PCGF3: variants seen among roughly 807,000 people sequenced by gnomAD.
PCGF3 encodes the protein polycomb group RING finger protein 3.
A neutral mutation model predicts 33.1 loss-of-function variants in PCGF3; 7 were observed. The ratio of observed to expected loss-of-function variants is 0.21; its 90% CI spans 0.12 to 0.40. PCGF3 has a LOEUF of 0.40. Ranked by LOEUF, PCGF3 falls within the 10% of genes least tolerant of loss-of-function variation. The probability of loss-of-function intolerance (pLI) is 1.00; values close to 1 mark genes in which losing one functional copy is unlikely to be tolerated. For synonymous variants in PCGF3, 153 were observed against 121.3 expected, an observed-to-expected ratio of 1.26 and a Z score of -1.72; for missense variants, 211 against 313.3, an observed-to-expected ratio of 0.67 and a Z score of 2.46.
intron 3 of PCGF3, among the ~76,000 whole-genome samples, chr4:733,157 C>T (rs1385335187): frequency 6.6e-6 from 1 of 150,720 alleles, no homozygotes; most frequent in African/African-American, 2.5e-5. Context: ...GTGGAAGCCG[C>T]GCCGGCCCCA....
At chr4:734,098 A>G (rs760086435) in intron 4 of PCGF3, 46 of 1,550,502 alleles carry the variant, frequency 3.0e-5, no homozygotes, top group African/African-American at 8.2e-5. Flanking sequence ...GCAGTTTCCA[A>G]ATCTCCAGAG....
chr4:738,854 G>T (rs533695617), intron 6 of PCGF3, among the ~76,000 whole-genome samples: 7 of 149,820 alleles, frequency 4.7e-5, no homozygotes, highest in African/African-American at 1.5e-4. Flanking sequence ...GCAAGACTCC[G>T]TCTCAAAAAA....
intron 1 of PCGF3, among the ~76,000 whole-genome samples, chr4:714,179 C>T (rs1419341694): frequency 2.6e-5 from 4 of 152,170 alleles, no homozygotes; most frequent in Non-Finnish European, 4.4e-5. Flanking sequence ...CCCAAATCTG[C>T]GAGCGCCTTG....
intron 1 of PCGF3, among the ~76,000 whole-genome samples, chr4:711,977 A>G (rs1375700080): frequency 2.0e-5 from 3 of 152,102 alleles, no homozygotes; most frequent in African/African-American, 7.2e-5. Context: ...GTAAAAAAAA[A>G]AAGAAAAGAA....
chr4:765,155 T>G (rs1269939537), intron 10 of PCGF3, 91 bp downstream of exon 10: 1 of 876,270 alleles, frequency 1.1e-6, no homozygotes, highest in East Asian at 2.6e-5. Flanking sequence ...TGACTCCAGC[T>G]GGGTGCAGTG....
chr4:749,478 T>TC (rs1483028139), intron 8 of PCGF3, among the ~76,000 whole-genome samples: 1 of 63,670 alleles, frequency 1.6e-5, no homozygotes, highest in African/African-American at 3.8e-5. Flanking sequence ...TTTCTTTCCT[T>TC]TTTTTTTTTT....
chr4:707,012 C>T (rs1030374086), intron 1 of PCGF3, among the ~76,000 whole-genome samples: 1 of 152,034 alleles, frequency 6.6e-6, no homozygotes, highest in African/African-American at 2.4e-5. Context: ...CGACCCCAGC[C>T]CAGGCAGGAC....
chr4:761,318 G>A (rs547312640), exon 9 of PCGF3: 15 of 1,606,876 alleles, frequency 9.3e-6, no homozygotes, highest in Admixed American at 8.4e-5. Flanking sequence ...CAAACTGCGC[G>A]GGCTGAAGCG....
At position 734,488 on chromosome 4, in the gene PCGF3, T is replaced by C. The variant is rs538449326; in HGVS notation, c.110-443T>C. 12 of 1,237,888 alleles carry C rather than the reference T, an allele frequency of 9.7e-6. No individual in the cohort carries two copies. The African/African-American group carries it at 1.7e-4, about 17-fold the overall frequency. 76.7% of individuals were successfully genotyped at this position (1,237,888 alleles called of 1,614,324 possible). A position where few individuals can be genotyped will look rare whatever the true frequency, so the allele number is the denominator to read the frequency against. On this transcript the variant is annotated intron_variant, in intron 4 of 10. Transcript: ENST00000362003. ...TTGCCAATTTGATAGAATTTTGACTTTAACGTTAATCGTATTTTTAGATAT... is the reference window on the plus strand; with the variant it reads ...TTGCCAATTTGATAGAATTTTGACTCTAACGTTAATCGTATTTTTAGATAT...
At chr4:762,607 C>G (rs542104375) in intron 9 of PCGF3, 1 of 152,268 alleles carries the variant, frequency 6.6e-6, no homozygotes, top group South Asian at 2.1e-4. Flanking sequence ...AAGGCCTTCA[C>G]AGGTGGCAAC....
At chr4:744,711 T>C (rs1452434099) in intron 8 of PCGF3, 23 bp downstream of exon 8, 13 of 1,378,022 alleles carry the variant, frequency 9.4e-6, no homozygotes, top group Non-Finnish European at 1.3e-5. Flanking sequence ...CGGGGGTCGC[T>C]GCAGTGTTAG....
At chr4:747,827 T>C (rs1339702840) in intron 8 of PCGF3, among the ~76,000 whole-genome samples, 2 of 152,058 alleles carry the variant, frequency 1.3e-5, no homozygotes, top group Non-Finnish European at 2.9e-5. Context: ...AGGGAAGCAG[T>C]GACAGCCAGC....
Position 763,192 on chromosome 4 carries a change from G to A in PCGF3, c.600+1776G>A, listed in dbSNP as rs561250320. 5.3e-5 allele frequency among the ~76,000 whole-genome samples: 8 copies of A among 152,324 alleles called. No individual in the cohort carries two copies. The East Asian group carries it at 1.5e-3, about 29-fold the overall frequency. On this transcript the variant is annotated intron_variant, in intron 9 of 10. Transcript: ENST00000362003. ...CAACGCTTTTTGCTAAGTTTCTATC[G>A]TTTTGTTTGCTTTTCTGTGTAGCGA...
intron 9 of PCGF3, chr4:764,780 C>T (rs903390459): frequency 1.3e-5 from 7 of 544,430 alleles, no homozygotes; most frequent in South Asian, 4.4e-5. Flanking sequence ...GATTTCCGTT[C>T]AGCTGTGAGG....
At chr4:715,547 G>A (rs1742787961) in intron 1 of PCGF3, among the ~76,000 whole-genome samples, 2 of 139,904 alleles carry the variant, frequency 1.4e-5, no homozygotes, top group Non-Finnish European at 3.1e-5. Flanking sequence ...GACACTGAGT[G>A]TGAGAACTGG....
At chr4:762,010 G>GTTCTC in intron 9 of PCGF3, 1 of 985,372 alleles carries the variant, frequency 1.0e-6, no homozygotes, top group Non-Finnish European at 1.2e-6. Context: ...ACGCAGGAGA[G>GTTCTC]GCCAGCGCCA....
intron 8 of PCGF3, among the ~76,000 whole-genome samples, chr4:755,314 A>G (rs938438666): frequency 6.6e-6 from 1 of 151,690 alleles, no homozygotes; most frequent in Non-Finnish European, 1.5e-5. Context: ...TTCTGATTCC[A>G]GTCTCCTGTG....
intron 9 of PCGF3, chr4:764,704 C>G (rs1251713319): frequency 5.6e-6 from 2 of 356,088 alleles, no homozygotes; most frequent in Non-Finnish European, 1.0e-5. Context: ...CGCCTGCACC[C>G]CCTGCAGAAA....
At chr4:709,429 A>C (rs543703002) in intron 1 of PCGF3, among the ~76,000 whole-genome samples, 7 of 152,084 alleles carry the variant, frequency 4.6e-5, no homozygotes, top group Non-Finnish European at 7.4e-5. Flanking sequence ...TGCATGAACA[A>C]ATGAATGAAA....
Sources: allele counts gnomAD v4.1 joint callset (sites outside exome capture counted in the v4.1 genomes callset), GRCh38; gene constraint gnomAD v4.1.1; transcripts MANE v1.5; gene names NCBI Gene and HGNC (gene_info 2026-07-23, HGNC 2026-07-21).